Variants in PLCB4 observed in about 807,000 individuals in gnomAD.
PLCB4 encodes the protein phospholipase C beta 4, also known as 1-phosphatidylinositol 4,5-bisphosphate phosphodiesterase beta-4.
PLCB4 carries 77 observed loss-of-function variants against 178.8 expected under a neutral mutation model. The observed-to-expected ratio is 0.43, with a 90% CI of 0.36 to 0.52. PLCB4 has a LOEUF of 0.52. PLCB4 is among the 20% of genes least tolerant of loss of function. The probability of loss-of-function intolerance (pLI) is 0.00; values close to 1 mark genes in which losing one functional copy is unlikely to be tolerated. For synonymous variants in PLCB4, 496 were observed against 490.8 expected (o/e 1.01, Z -0.14); for missense variants, 1,024 against 1,453.4 (o/e 0.70, Z 4.80).
rs183727792 is a variant in PLCB4, at chr20:9,211,147, G to A, written c.-78-6243G>A. ...AAGTCATTAGGTGCTACAGAACAAA[G>A]CAGGCATTGATCCCTTCTGTGTTGC... On this transcript the variant is annotated intron_variant, in intron 2 of 39. Transcript: ENST00000378473. Among the ~76,000 whole-genome samples the A allele has an allele frequency of 3.2e-4, 49 of 152,270 alleles. 1 individual carries two copies. The highest frequency in any genetic ancestry group is 9.1e-4 in the Admixed American group (14 of 15,304).
rs1202880268 is a variant in PLCB4 at position 9,387,965 on chromosome 20, G to A, written c.1158+409G>A. ...CCTACAAGAATAAGAAAGGCCGGGC[G>A]TGGTGGCTCACGCCTGTAATCCCAG... On this transcript the variant is annotated intron_variant, in intron 15 of 39. Transcript: ENST00000378473. 3.9e-5 allele frequency among the ~76,000 whole-genome samples: 6 copies of A among 152,356 alleles called. No individual in the cohort carries two copies. In the South Asian group the frequency reaches 8.3e-4, roughly 21 times the overall value.
intron 3 of PLCB4, among the ~76,000 whole-genome samples, chr20:9,263,021 C>T (rs1411922127): frequency 6.6e-6 from 1 of 152,146 alleles, no homozygotes; most frequent in African/African-American, 2.4e-5. Context: ...CCTTGTTTCT[C>T]TGTATACATG....
intron 3 of PLCB4, among the ~76,000 whole-genome samples, chr20:9,237,947 G>A (rs998469657): frequency 2.0e-5 from 3 of 152,132 alleles, no homozygotes; most frequent in Non-Finnish European, 2.9e-5. Context: ...GGCAGAGAAA[G>A]CTTTTCATTA....
chr20:9,265,931 C>G (rs2147583781), intron 3 of PLCB4, among the ~76,000 whole-genome samples: 1 of 152,286 alleles, frequency 6.6e-6, no homozygotes, highest in Non-Finnish European at 1.5e-5. Flanking sequence ...GCTGTTTTAA[C>G]CAGCCCTTCA....
chr20:9,164,210 T>C (rs2092933953), intron 2 of PLCB4, among the ~76,000 whole-genome samples: 1 of 152,236 alleles, frequency 6.6e-6, no homozygotes, highest in Non-Finnish European at 1.5e-5. Context: ...TTTCACTGCC[T>C]GTTTTTTGTC....
chr20:9,261,882 C>A (rs2094300837), intron 3 of PLCB4, among the ~76,000 whole-genome samples: 1 of 152,096 alleles, frequency 6.6e-6, no homozygotes, highest in Non-Finnish European at 1.5e-5. Context: ...GAGCTATATA[C>A]CCTTGCATTT....
intron 12 of PLCB4, among the ~76,000 whole-genome samples, chr20:9,376,771 G>A (rs2036713345): frequency 6.6e-6 from 1 of 152,138 alleles, no homozygotes; most frequent in Non-Finnish European, 1.5e-5. Flanking sequence ...TTGGGAGATG[G>A]GTGGAGGGCA....
At chr20:9,414,962 C>A (rs1325690596) in intron 25 of PLCB4, among the ~76,000 whole-genome samples, 1 of 152,142 alleles carries the variant, frequency 6.6e-6, no homozygotes, top group East Asian at 1.9e-4. Flanking sequence ...CAGTGGATGC[C>A]TGAAACCACC....
At position 9,473,351 on chromosome 20, in the gene PLCB4, A is replaced by G; in HGVS notation, c.3481A>G (p.Lys1161Glu). 1 of 1,590,626 alleles carries G rather than the reference A, an allele frequency of 6.3e-7. No homozygotes were observed. The highest frequency in any genetic ancestry group is 8.6e-7 in the Non-Finnish European group (1 of 1,162,246). ...VQLEHLEFLE[K>E]QNEQLLKSCH... ...GCTTGAACATCTAGAATTCCTAGAG[A>G]AACAGAATGAGCAGGTATTTTACCT... The change falls in exon 38 of 40, where the codon AAA (lysine) becomes GAA (glutamate). Residue 1161 changes from lysine to glutamate, a missense_variant. Lys to Glu is a moderately conservative substitution (Grantham distance 56). Transcript: ENST00000378473.
rs6086842 is a variant in PLCB4, at chr20:9,320,955, G to A, written c.84+13057G>A. Among the ~76,000 whole-genome samples, 8 of 152,260 alleles carry A rather than the reference G, an allele frequency of 5.3e-5. No homozygotes were observed. In the East Asian group the frequency reaches 1.4e-3, roughly 26 times the overall value. ...GATGCAGCTCAAGTTTGAGAACCTAGGCCTAGGGAAAGGTAAGGAATTGTA... is the reference window on the plus strand; with the variant it reads ...GATGCAGCTCAAGTTTGAGAACCTAAGCCTAGGGAAAGGTAAGGAATTGTA... On this transcript the variant is annotated intron_variant, in intron 4 of 39. Coordinates refer to ENST00000378473, the MANE Select transcript of PLCB4 (RefSeq NM_001377142.1).
At chr20:9,094,214 G>A (rs1426628872) in intron 1 of PLCB4, among the ~76,000 whole-genome samples, 5 of 152,032 alleles carry the variant, frequency 3.3e-5, no homozygotes, top group African/African-American at 1.2e-4. Context: ...CTATGTTGAT[G>A]TTACTTAATT....
chr20:9,224,030 T>A (rs988716074), intron 3 of PLCB4, among the ~76,000 whole-genome samples: 1 of 152,242 alleles, frequency 6.6e-6, no homozygotes, highest in African/African-American at 2.4e-5. Context: ...ACTTTTGGAC[T>A]GTGGTTGACC....
At chr20:9,468,213 G>A (rs1310436450) in intron 35 of PLCB4, among the ~76,000 whole-genome samples, 1 of 151,892 alleles carries the variant, frequency 6.6e-6, no homozygotes, top group Non-Finnish European at 1.5e-5. Context: ...GCCCCTCAAG[G>A]ATCAGCATCC....
chr20:9,137,059 G>T (rs1056415599), intron 2 of PLCB4, among the ~76,000 whole-genome samples: 1 of 152,038 alleles, frequency 6.6e-6, no homozygotes, highest in Admixed American at 6.6e-5. Context: ...CCTCCTAGAA[G>T]CCACAGTCGA....
chr20:9,195,322 G>T (rs1403998697), intron 2 of PLCB4, among the ~76,000 whole-genome samples: 1 of 152,208 alleles, frequency 6.6e-6, no homozygotes, highest in Non-Finnish European at 1.5e-5. Context: ...GGGCACCTTT[G>T]AGGAGCAAGG....
chr20:9,462,931 T>G (rs1289994672), intron 35 of PLCB4, among the ~76,000 whole-genome samples: 2 of 152,160 alleles, frequency 1.3e-5, no homozygotes, highest in South Asian at 2.1e-4. Context: ...GCAAAGATAC[T>G]CCTCGAGAAG....
chr20:9,191,879 TG>T (rs761097991), intron 2 of PLCB4, among the ~76,000 whole-genome samples: 30 of 148,196 alleles, frequency 2.0e-4, no homozygotes, highest in East Asian at 3.9e-4. Flanking sequence ...TCATTCTGTA[TG>T]TTTTTTTTTT....
chr20:9,120,107 T>C (rs1245875473), intron 2 of PLCB4, among the ~76,000 whole-genome samples: 4 of 152,168 alleles, frequency 2.6e-5, no homozygotes, highest in African/African-American at 7.2e-5. Flanking sequence ...TGGGCACTGC[T>C]CTAAGAAGGA....
intron 1 of PLCB4, among the ~76,000 whole-genome samples, chr20:9,069,516 T>C (rs1475689731): frequency 2.6e-5 from 4 of 152,210 alleles, no homozygotes; most frequent in Admixed American, 6.5e-5. Flanking sequence ...TTGGAAATAG[T>C]TGGCACCGTG....
Sources: gnomAD v4.1 joint callset for allele counts (sites outside exome capture counted in the v4.1 genomes callset) on GRCh38, gnomAD v4.1.1 for gene constraint, MANE v1.5 for transcripts, NCBI Gene and HGNC (gene_info 2026-07-23, HGNC 2026-07-21) for gene names.